The following PRKCA variants were observed in gnomAD, a reference collection of about 807,000 sequenced individuals.
The protein encoded by PRKCA is protein kinase C alpha.
A neutral mutation model predicts 87.0 loss-of-function variants in PRKCA; 27 were observed. The ratio of observed to expected loss-of-function variants is 0.31; its 90% CI spans 0.23 to 0.43. The LOEUF (loss-of-function observed/expected upper bound fraction) is 0.43, where lower values mean the gene tolerates loss of function less well. Ranked by LOEUF, PRKCA falls within the 20% of genes least tolerant of loss-of-function variation. The probability of loss-of-function intolerance (pLI) is 1.00; values close to 1 mark genes in which losing one functional copy is unlikely to be tolerated. For missense variants in PRKCA, 518 were observed against 852.3 expected, an observed-to-expected ratio of 0.61 and a Z score of 4.88; for synonymous variants, 329 against 311.1, an observed-to-expected ratio of 1.06 and a Z score of -0.61.
At chr17:66,350,633 C>A (rs929645605) in intron 2 of PRKCA, among the ~76,000 whole-genome samples, 1 of 152,062 alleles carries the variant, frequency 6.6e-6, no homozygotes, top group Non-Finnish European at 1.5e-5. Flanking sequence ...AGCGATCCTC[C>A]CACCTCAGCC....
chr17:66,367,195 T>C (rs1908779458), intron 2 of PRKCA, among the ~76,000 whole-genome samples: 1 of 152,238 alleles, frequency 6.6e-6, no homozygotes, highest in Non-Finnish European at 1.5e-5. Context: ...CTGATTTCTT[T>C]AATGGAAACA....
intron 3 of PRKCA, among the ~76,000 whole-genome samples, chr17:66,628,370 A>G (rs542074564): frequency 6.6e-6 from 1 of 152,294 alleles, no homozygotes; most frequent in South Asian, 2.1e-4. Context: ...TAAATCCATC[A>G]TAGTGTGAAT....
chr17:66,451,304 C>T (rs1914299039), intron 2 of PRKCA, among the ~76,000 whole-genome samples: 1 of 151,796 alleles, frequency 6.6e-6, no homozygotes, highest in Non-Finnish European at 1.5e-5. Flanking sequence ...TAATAGGATT[C>T]CATTCTTTAA....
intron 16 of PRKCA, among the ~76,000 whole-genome samples, chr17:66,801,697 G>A (rs974596559): frequency 2.6e-5 from 4 of 152,334 alleles, no homozygotes; most frequent in Non-Finnish European, 5.9e-5. Context: ...ATACACCATG[G>A]AAACGTGGGG....
chr17:66,548,725 G>A (rs1968228229), intron 3 of PRKCA, among the ~76,000 whole-genome samples: 2 of 152,080 alleles, frequency 1.3e-5, no homozygotes, highest in African/African-American at 4.8e-5. Flanking sequence ...AGGTTGAGAT[G>A]GGAGTGATGC....
intron 3 of PRKCA, among the ~76,000 whole-genome samples, chr17:66,609,807 T>C (rs571909450): frequency 1.3e-5 from 2 of 152,190 alleles, no homozygotes; most frequent in African/African-American, 2.4e-5. Flanking sequence ...TTTTTTACTG[T>C]CAGTGAAAAC....
intron 2 of PRKCA, among the ~76,000 whole-genome samples, chr17:66,356,431 C>T (rs1171439163): frequency 2.0e-5 from 3 of 152,012 alleles, no homozygotes; most frequent in South Asian, 4.2e-4. Flanking sequence ...GTCAGGAGAT[C>T]GAGGCCATCC....
intron 10 of PRKCA, among the ~76,000 whole-genome samples, chr17:66,736,723 G>A (rs564347554): frequency 6.6e-5 from 10 of 152,338 alleles, no homozygotes; most frequent in Admixed American, 2.0e-4. Context: ...TATGGCTTGT[G>A]AGTTTAGGAA....
chr17:66,389,064 G>A (rs570413649), intron 2 of PRKCA, among the ~76,000 whole-genome samples: 1 of 152,288 alleles, frequency 6.6e-6, no homozygotes, highest in Non-Finnish European at 1.5e-5. Flanking sequence ...TTCTGTTTAA[G>A]AAACAGCATC....
Position 66,803,852 on chromosome 17 carries a change from C to CT in PRKCA, c.1855-16dup, listed in dbSNP as rs769820330. 3 of 1,611,008 alleles carry CT rather than the reference C, an allele frequency of 1.9e-6. No individual in the cohort carries two copies. The highest frequency in any genetic ancestry group is 1.1e-5 in the South Asian group (1 of 90,964). ...TTGTCATGTTGACTGACCTTTCCTT[C>CT]TTTTTGTCTTTTCTCCACAGTGTGG... On this transcript the variant is annotated intron_variant, in intron 16 of 16. Transcript: ENST00000413366. The surrounding 1 kb of genome is among the most constrained non-coding windows in gnomAD (Gnocchi z 4.4).
At chr17:66,527,195 C>T (rs1032444486) in intron 3 of PRKCA, among the ~76,000 whole-genome samples, 4 of 152,208 alleles carry the variant, frequency 2.6e-5, no homozygotes, top group Admixed American at 1.3e-4. Flanking sequence ...TAATCTCCGC[C>T]TCTCTACCTG....
chr17:66,799,682 A>ATGG (rs1053366645), intron 16 of PRKCA, among the ~76,000 whole-genome samples: 2 of 122,370 alleles, frequency 1.6e-5, no homozygotes, highest in African/African-American at 3.1e-5. Context: ...GGTGGTGGTA[A>ATGG]TGGTGGTGGT....
At chr17:66,425,780 C>G (rs1316171970) in intron 2 of PRKCA, among the ~76,000 whole-genome samples, 1 of 151,998 alleles carries the variant, frequency 6.6e-6, no homozygotes, top group Non-Finnish European at 1.5e-5. Flanking sequence ...AAGGTATGTG[C>G]GACATGGTAA....
chr17:66,654,339 T>G (rs1049034569), intron 5 of PRKCA, among the ~76,000 whole-genome samples: 1 of 152,208 alleles, frequency 6.6e-6, no homozygotes, highest in Non-Finnish European at 1.5e-5. Flanking sequence ...GATTGAACAC[T>G]TTTCGTGTAC....
At chr17:66,591,342 A>T (rs1166137786) in intron 3 of PRKCA, among the ~76,000 whole-genome samples, 1 of 150,064 alleles carries the variant, frequency 6.7e-6, no homozygotes, top group Non-Finnish European at 1.5e-5. Flanking sequence ...TTATTTTAGT[A>T]GGGATGAGGT....
chr17:66,360,462 G>A (rs965471467), intron 2 of PRKCA, among the ~76,000 whole-genome samples: 1 of 152,174 alleles, frequency 6.6e-6, no homozygotes, highest in Admixed American at 6.5e-5. Context: ...TAGCAGGCAT[G>A]GCCTGGTCTG....
intron 2 of PRKCA, among the ~76,000 whole-genome samples, chr17:66,406,585 G>GATTTTTTTTTTTTTTTTTTT (rs529714675): frequency 1.4e-5 from 1 of 70,180 alleles, no homozygotes; most frequent in African/African-American, 4.6e-5. Flanking sequence ...GCTTTTCCAG[G>GATTTTTTTTTTTTTTTTTTT]TTTTTTTTTT....
chr17:66,658,785 G>A (rs188693325), intron 5 of PRKCA, among the ~76,000 whole-genome samples: 12 of 152,278 alleles, frequency 7.9e-5, no homozygotes, highest in Admixed American at 2.0e-4. Context: ...TCACTTTATT[G>A]ACAAATTAAC....
intron 2 of PRKCA, among the ~76,000 whole-genome samples, chr17:66,354,873 T>A (rs1018931360): frequency 2.0e-5 from 3 of 152,248 alleles, no homozygotes; most frequent in Non-Finnish European, 4.4e-5. Context: ...GTGATATTTC[T>A]TTGTATCTTC....
Sources: allele counts gnomAD v4.1 joint callset (sites outside exome capture counted in the v4.1 genomes callset), GRCh38; gene constraint gnomAD v4.1.1; non-coding constraint Gnocchi (gnomAD v3.1); transcripts MANE v1.5; gene names NCBI Gene and HGNC (gene_info 2026-07-23, HGNC 2026-07-21).